The following FLVCR2 variants were observed in gnomAD, a reference collection of about 807,000 sequenced individuals.
FLVCR2 encodes choline/ethanolamine transporter FLVCR2.
A neutral mutation model predicts 48.9 loss-of-function variants in FLVCR2; 38 were observed. That is an observed-to-expected ratio of 0.78 (90% CI 0.60 to 1.02). FLVCR2 has a LOEUF of 1.02. Ranked by LOEUF, FLVCR2 falls within the 50% of genes least tolerant of loss-of-function variation. The pLI is 0.00. For synonymous variants in FLVCR2, 255 were observed against 257.0 expected, an observed-to-expected ratio of 0.99 and a Z score of 0.07; for missense variants, 664 against 663.3, an observed-to-expected ratio of 1.00 and a Z score of -0.01.
chr14:75,641,678 C>T (rs528494959), intron 8 of FLVCR2, among the ~76,000 whole-genome samples, 165 bp from the exon 9 acceptor site: 21 of 152,278 alleles, frequency 1.4e-4, no homozygotes, highest in East Asian at 7.7e-4. Context: ...CAGTGATCCT[C>T]GGGCTCTCTC....
chr14:75,627,671 G>C (rs1024755781), intron 3 of FLVCR2, among the ~76,000 whole-genome samples: 1 of 152,204 alleles, frequency 6.6e-6, no homozygotes, highest in African/African-American at 2.4e-5. Flanking sequence ...AACCTGACTT[G>C]GAGTTTGCTA....
In FLVCR2 at chr14:75,622,461, C is replaced by T. The variant is rs566628477; in HGVS notation, c.811+241C>T. On this transcript the variant is annotated intron_variant, in intron 2 of 9. Coordinates refer to ENST00000238667, the MANE Select transcript of FLVCR2 (RefSeq NM_017791.3). ...AGGTTTAATTGTCATTAACCAGTTC[C>T]CCAGTCCTACCTCATCAGAAGTAAT... is the stretch of plus-strand genomic sequence containing the variant. 4.6e-5 allele frequency among the ~76,000 whole-genome samples: 7 copies of T among 152,256 alleles called. No individual in the cohort carries two copies. In the East Asian group the frequency reaches 1.4e-3, roughly 29 times the overall value.
At chr14:75,634,010 C>T (rs745518486) in intron 4 of FLVCR2, among the ~76,000 whole-genome samples, 24 of 151,600 alleles carry the variant, frequency 1.6e-4, no homozygotes, top group Non-Finnish European at 2.6e-4. Flanking sequence ...TAAATAATGA[C>T]GCTTGTGTAT....
Position 75,579,569 on chromosome 14 carries a change from C to A in FLVCR2, c.597C>A (p.Ser199=). The A allele has an allele frequency of 6.2e-7, 1 of 1,614,092 alleles. No homozygotes were observed. The highest frequency in any genetic ancestry group is 1.1e-5 in the South Asian group (1 of 91,092). ...AGGTTTTCATCCTGGGCATGCCCTC[C>A]CGCATCGCTTCCGTCTGGTTCGGGG... ...VAQVFILGMP[S]RIASVWFGAN... is the part of the protein sequence containing the mutation. The change falls in exon 1 of 10, where the codon TCC becomes TCA. Residue 199 remains serine, a synonymous_variant. Coordinates refer to ENST00000238667, the MANE Select transcript of FLVCR2 (RefSeq NM_017791.3).
At chr14:75,616,116 A>G (rs900324802) in intron 1 of FLVCR2, among the ~76,000 whole-genome samples, 1 of 151,130 alleles carries the variant, frequency 6.6e-6, no homozygotes, top group Non-Finnish European at 1.5e-5. Flanking sequence ...AGATGGGAAG[A>G]CCACTTGAGA....
intron 1 of FLVCR2, among the ~76,000 whole-genome samples, chr14:75,618,888 T>TG (rs1248688905): frequency 2.0e-5 from 3 of 151,088 alleles, no homozygotes; most frequent in Non-Finnish European, 3.0e-5. Flanking sequence ...CAGCAGGGTT[T>TG]TTTTTTTTTT....
Position 75,596,238 on chromosome 14 carries a change from G to T in FLVCR2, c.669+16597G>T, listed in dbSNP as rs1003085009. On this transcript the variant is annotated intron_variant, in intron 1 of 9. Transcript: ENST00000238667. ...GGTCTATCCTCAGACAGCCAGGGAG[G>T]AAAAGCATGACTGTCTGCTTTCTAG... is the stretch of plus-strand genomic sequence containing the variant. 6.5e-6 allele frequency: 4 copies of T among 620,102 alleles called. No individual in the cohort carries two copies. In the African/African-American group the frequency reaches 7.4e-5, roughly 11 times the overall value. 38.4% of individuals were successfully genotyped at this position (620,102 alleles called of 1,614,324 possible). A position where few individuals can be genotyped will look rare whatever the true frequency, so the allele number is the denominator to read the frequency against.
chr14:75,632,981 C>T (rs1280129946), intron 3 of FLVCR2: 16 of 702,188 alleles, frequency 2.3e-5, no homozygotes, highest in Non-Finnish European at 1.3e-5. Context: ...TACTCACTTG[C>T]TGTATGACTT....
At chr14:75,608,023 T>C (rs919085492) in intron 1 of FLVCR2, among the ~76,000 whole-genome samples, 7 of 152,164 alleles carry the variant, frequency 4.6e-5, no homozygotes, top group African/African-American at 1.7e-4. Flanking sequence ...TGAGCAGTAA[T>C]TGCACCACTG....
intron 1 of FLVCR2, among the ~76,000 whole-genome samples, chr14:75,602,669 G>C (rs1482263349): frequency 6.6e-6 from 1 of 152,166 alleles, no homozygotes; most frequent in Non-Finnish European, 1.5e-5. Flanking sequence ...CAGAAGCTGA[G>C]GGAAGGAGAG....
chr14:75,605,534 C>T, intron 1 of FLVCR2: 2 of 1,534,580 alleles, frequency 1.3e-6, no homozygotes, highest in Non-Finnish European at 1.7e-6. Context: ...CTCAGCCTCT[C>T]ACCCCAACAC....
intron 1 of FLVCR2, among the ~76,000 whole-genome samples, chr14:75,587,063 A>G (rs1453533777): frequency 6.6e-6 from 1 of 152,154 alleles, no homozygotes; most frequent in Non-Finnish European, 1.5e-5. Context: ...AAGAAGGTAA[A>G]GGAAGCTAAT....
chr14:75,614,111 C>T (rs1889542265), intron 1 of FLVCR2, among the ~76,000 whole-genome samples: 1 of 152,218 alleles, frequency 6.6e-6, no homozygotes. Context: ...TAAAATTGCT[C>T]ATTTGGGTTG....
intron 1 of FLVCR2, among the ~76,000 whole-genome samples, chr14:75,585,532 A>G (rs1888722062): frequency 6.6e-6 from 1 of 152,154 alleles, no homozygotes; most frequent in Non-Finnish European, 1.5e-5. Flanking sequence ...GCAAGTTTAA[A>G]GAGAAGGGTA....
chr14:75,589,044 CA>C (rs1477406568), intron 1 of FLVCR2, among the ~76,000 whole-genome samples: 1 of 151,342 alleles, frequency 6.6e-6, no homozygotes, highest in Non-Finnish European at 1.5e-5. Flanking sequence ...CCAGCCTGGA[CA>C]ACATTTTTTT....
At chr14:75,605,225 G>C (rs952457978) in intron 1 of FLVCR2, among the ~76,000 whole-genome samples, 2 of 152,168 alleles carry the variant, frequency 1.3e-5, no homozygotes, top group African/African-American at 2.4e-5. Flanking sequence ...TGCCATCAAG[G>C]ATGATTAAAA....
chr14:75,591,121 G>C (rs1027664059), intron 1 of FLVCR2, among the ~76,000 whole-genome samples: 7 of 152,204 alleles, frequency 4.6e-5, no homozygotes, highest in African/African-American at 1.7e-4. Flanking sequence ...TTGGCTCACT[G>C]CAATTTCTGC....
At chr14:75,588,159 A>T (rs114147758) in intron 1 of FLVCR2, among the ~76,000 whole-genome samples, 1,992 of 152,320 alleles carry the variant, frequency 0.013, 44 homozygotes, top group African/African-American at 0.045. Context: ...TGCTGCTGTC[A>T]CAGAATACCA....
At chr14:75,622,045 G>A (rs1419762664) in intron 1 of FLVCR2, 34 bp from the exon 2 acceptor site, 1 of 1,613,316 alleles carries the variant, frequency 6.2e-7, no homozygotes, top group Middle Eastern at 1.7e-4. Flanking sequence ...TTGGCCATTG[G>A]TAACTGTGAT....
Sources: allele counts gnomAD v4.1 joint callset (sites outside exome capture counted in the v4.1 genomes callset), GRCh38; gene constraint gnomAD v4.1.1; transcripts MANE v1.5; gene names NCBI Gene and HGNC (gene_info 2026-07-23, HGNC 2026-07-21).